The following ARHGAP39 variants were observed in gnomAD, a reference collection of about 807,000 sequenced individuals.
ARHGAP39 encodes the protein rho GTPase-activating protein 39.
Under a neutral mutation model 106.9 loss-of-function variants are expected in ARHGAP39, and 44 were observed. The observed-to-expected ratio is 0.41, with a 90% CI of 0.32 to 0.53. The LOEUF (loss-of-function observed/expected upper bound fraction) is 0.53, where lower values mean the gene tolerates loss of function less well. ARHGAP39 is among the 20% of genes least tolerant of loss of function. ARHGAP39 has a pLI of 0.21. For missense variants in ARHGAP39, 1,496 were observed against 1,577.3 expected, an observed-to-expected ratio of 0.95 and a Z score of 0.87; for synonymous variants, 768 against 693.2, an observed-to-expected ratio of 1.11 and a Z score of -1.69.
intron 1 of ARHGAP39, among the ~76,000 whole-genome samples, chr8:144,633,463 A>G (rs186438176): frequency 1.3e-5 from 2 of 152,348 alleles, no homozygotes; most frequent in East Asian, 3.9e-4. Flanking sequence ...GTCTCAAAAA[A>G]AAGAAGAAAA....
intron 1 of ARHGAP39, among the ~76,000 whole-genome samples, chr8:144,610,711 C>CAA (rs113580432): frequency 0.01 from 1,487 of 144,284 alleles, 19 homozygotes; most frequent in African/African-American, 0.032. Flanking sequence ...GACTCCGTCT[C>CAA]AAAAAAAAAA....
intron 2 of ARHGAP39, among the ~76,000 whole-genome samples, chr8:144,601,195 TG>T (rs1819908367): frequency 6.9e-6 from 1 of 145,064 alleles, no homozygotes; most frequent in African/African-American, 2.6e-5. Context: ...CTCGTGTACC[TG>T]TGTGCATGTG....
At chr8:144,676,875 G>A (rs192998122) in intron 1 of ARHGAP39, among the ~76,000 whole-genome samples, 1 of 152,386 alleles carries the variant, frequency 6.6e-6, no homozygotes, top group East Asian at 1.9e-4. Context: ...ACGCCGAGGA[G>A]GCGCCGAGAG....
the ARHGAP39 span, among the ~76,000 whole-genome samples, chr8:144,691,029 T>A: frequency 6.6e-6 from 1 of 152,178 alleles, no homozygotes; most frequent in Non-Finnish European, 1.5e-5. Flanking sequence ...ACTGAGCCAC[T>A]CTGCTGGGAT....
chr8:144,542,568 G>A (rs1391210328), intron 6 of ARHGAP39, among the ~76,000 whole-genome samples: 1 of 152,186 alleles, frequency 6.6e-6, no homozygotes, highest in Non-Finnish European at 1.5e-5. Flanking sequence ...GATAGGGCCT[G>A]TCTTTCTTTC....
chr8:144,543,364 T>C (rs888087738), intron 6 of ARHGAP39, among the ~76,000 whole-genome samples: 1 of 152,036 alleles, frequency 6.6e-6, no homozygotes, highest in Non-Finnish European at 1.5e-5. Flanking sequence ...GTGAGGCTCA[T>C]TTGGGAAGGA....
intron 2 of ARHGAP39, among the ~76,000 whole-genome samples, chr8:144,600,810 C>T (rs971810028): frequency 1.4e-4 from 20 of 144,996 alleles, no homozygotes; most frequent in Admixed American, 4.1e-4. Context: ...TACCTACCTG[C>T]GCGTGTGTGT....
intron 7 of ARHGAP39, 98 bp from the exon 8 acceptor site, chr8:144,534,300 G>T: frequency 7.1e-7 from 1 of 1,401,830 alleles, no homozygotes. Flanking sequence ...GCCCTGGGGG[G>T]CTGGGCTGGC....
chr8:144,647,109 C>T lies in ARHGAP39; in HGVS notation c.-82+38577G>A, dbSNP rs538368172. Among the ~76,000 whole-genome samples, 6 of 152,090 alleles carry T rather than the reference C, an allele frequency of 3.9e-5. No individual in the cohort carries two copies. In the South Asian group the frequency reaches 1.0e-3, roughly 26 times the overall value. ...TCAGCCTCCCGAGTAGCTGGGACTACAGCCACCCGCCACCATGCCCGGCTA... is the reference window on the plus strand; with the variant it reads ...TCAGCCTCCCGAGTAGCTGGGACTATAGCCACCCGCCACCATGCCCGGCTA... On this transcript the variant is annotated intron_variant, in intron 1 of 11. Transcript: ENST00000377307. The surrounding 1 kb of genome is among the most constrained non-coding windows in gnomAD (Gnocchi z 4.8).
chr8:144,593,068 G>A (rs544531529), intron 2 of ARHGAP39, among the ~76,000 whole-genome samples: 1 of 152,348 alleles, frequency 6.6e-6, no homozygotes, highest in South Asian at 2.1e-4. Flanking sequence ...GATGCAAGAT[G>A]TCTACGATCC....
chr8:144,577,942 T>G (rs1487561345), intron 3 of ARHGAP39, among the ~76,000 whole-genome samples: 2 of 152,250 alleles, frequency 1.3e-5, no homozygotes, highest in African/African-American at 4.8e-5. Flanking sequence ...AATATCAGCT[T>G]ACAGATCCAA....
chr8:144,533,436 C>T (rs1424621928), intron 8 of ARHGAP39, 111 bp from the exon 9 acceptor site: 3 of 1,073,294 alleles, frequency 2.8e-6, no homozygotes, highest in South Asian at 3.0e-5. Flanking sequence ...TTCAGAATTC[C>T]TGCCCCACAC....
At chr8:144,600,317 C>T (rs948636134) in intron 2 of ARHGAP39, among the ~76,000 whole-genome samples, 21 of 138,912 alleles carry the variant, frequency 1.5e-4, no homozygotes, top group South Asian at 2.3e-4. Context: ...TGGAGGCGTG[C>T]GTGTGCACTT....
Position 144,653,037 on chromosome 8 carries a change from C to A in ARHGAP39, c.-82+32649G>T, listed in dbSNP as rs894317860. Among the ~76,000 whole-genome samples, 92 of 152,320 alleles carry A rather than the reference C, an allele frequency of 6.0e-4. 1 individual carries two copies. The highest frequency in any genetic ancestry group is 1.9e-4 in the East Asian group (1 of 5,186). ...ATGAGGCCGGGCGCAGTGGCTCACG[C>A]TTGTAATCCCAGCACTTTGGGAGGC... On this transcript the variant is annotated intron_variant, in intron 1 of 11. Coordinates refer to ENST00000377307, the MANE Select transcript of ARHGAP39 (RefSeq NM_025251.3).
chr8:144,552,738 T>C (rs189640473), intron 4 of ARHGAP39, among the ~76,000 whole-genome samples: 1 of 151,982 alleles, frequency 6.6e-6, no homozygotes, highest in Non-Finnish European at 1.5e-5. Flanking sequence ...CAGGCTGAGG[T>C]AGTAGCACGC....
At chr8:144,580,699 A>G (rs1453184983) in intron 3 of ARHGAP39, 147 bp downstream of exon 3, 15 of 949,966 alleles carry the variant, frequency 1.6e-5, no homozygotes, top group Admixed American at 3.7e-5. Context: ...CGCCCACCAT[A>G]CCCGACCTAC....
At chr8:144,565,459 C>T (rs901685718) in intron 3 of ARHGAP39, among the ~76,000 whole-genome samples, 4 of 152,086 alleles carry the variant, frequency 2.6e-5, no homozygotes, top group African/African-American at 4.8e-5. Flanking sequence ...GAGGTCAAGG[C>T]GGGTGGATCA....
intron 2 of ARHGAP39, among the ~76,000 whole-genome samples, chr8:144,600,793 G>A (rs1819865588): frequency 2.0e-5 from 3 of 151,082 alleles, no homozygotes; most frequent in South Asian, 4.2e-4. Context: ...ATGCGCGTGA[G>A]CTCATCTACC....
At chr8:144,533,041 G>C in intron 9 of ARHGAP39, 85 bp downstream of exon 9, 1 of 1,500,134 alleles carries the variant, frequency 6.7e-7, no homozygotes, top group Non-Finnish European at 9.0e-7. Flanking sequence ...GTGGGCCTGA[G>C]GCTTAATGGC....
Sources: allele counts gnomAD v4.1 joint callset (sites outside exome capture counted in the v4.1 genomes callset), GRCh38; gene constraint gnomAD v4.1.1; non-coding constraint Gnocchi (gnomAD v3.1); transcripts MANE v1.5; gene names NCBI Gene and HGNC (gene_info 2026-07-23, HGNC 2026-07-21).